The following CFLAR variants were observed in gnomAD, a reference collection of about 807,000 sequenced individuals.
The protein encoded by CFLAR is CASP8 and FADD-like apoptosis regulator.
CFLAR carries 14 observed loss-of-function variants against 51.1 expected under a neutral mutation model. The observed-to-expected ratio is 0.27, with a 90% confidence interval of 0.18 to 0.43. CFLAR has a LOEUF of 0.43. Ranked by LOEUF, CFLAR falls within the 20% of genes least tolerant of loss-of-function variation. The pLI is 1.00. For missense variants in CFLAR, 390 were observed against 566.5 expected (o/e 0.69, Z 3.16); for synonymous variants, 210 against 211.6 (o/e 0.99, Z 0.06).
chr2:201,140,073 C>A, intron 4 of CFLAR: 1 of 128,268 alleles, frequency 7.8e-6, no homozygotes, highest in Non-Finnish European at 1.5e-5. Context: ...GCAGCTGCTG[C>A]GACGCGGAGG....
intron 5 of CFLAR, among the ~76,000 whole-genome samples, chr2:201,142,309 A>T (rs115741782): frequency 0.027 from 4,023 of 151,048 alleles, 89 homozygotes; most frequent in Middle Eastern, 0.082. Context: ...TATATATATA[A>T]ATGCTTTCCT....
intron 2 of CFLAR, among the ~76,000 whole-genome samples, chr2:201,131,998 C>T (rs1228961786): frequency 9.9e-5 from 15 of 152,112 alleles, no homozygotes; most frequent in Non-Finnish European, 2.1e-4. Flanking sequence ...GGATTATTAT[C>T]ATTGTTATTA....
chr2:201,157,237 C>G (rs1942326858), intron 8 of CFLAR, among the ~76,000 whole-genome samples: 1 of 152,198 alleles, frequency 6.6e-6, no homozygotes, highest in South Asian at 2.1e-4. Flanking sequence ...ACTTCCTGGG[C>G]TCGAGTGATC....
chr2:201,147,640 C>G (rs13413075), intron 6 of CFLAR: 36,899 of 151,914 alleles, frequency 0.24, 5,162 homozygotes, highest in African/African-American at 0.38. Flanking sequence ...GAGGCCGAGA[C>G]AGGCGGATCA....
At chr2:201,133,712 C>T (rs1310485583) in intron 3 of CFLAR, among the ~76,000 whole-genome samples, 3 of 151,806 alleles carry the variant, frequency 2.0e-5, no homozygotes, top group Non-Finnish European at 4.4e-5. Context: ...GGGTGGATCA[C>T]GAGGTCAGGA....
intron 9 of CFLAR, chr2:201,163,136 C>G (rs1943227516): frequency 1.3e-6 from 1 of 785,664 alleles, no homozygotes; most frequent in Non-Finnish European, 2.1e-6. Flanking sequence ...CTCCCTGACA[C>G]TGCATGCTCT....
intron 9 of CFLAR, chr2:201,163,509 T>C: frequency 8.8e-7 from 1 of 1,139,074 alleles, no homozygotes; most frequent in Non-Finnish European, 1.1e-6. Flanking sequence ...CAGGAGCCAC[T>C]CAGCCTTCCA....
Position 201,116,944 on chromosome 2 carries a change from T to G in CFLAR, c.-138+463T>G, listed in dbSNP as rs1333699763. 2 of 152,260 alleles carry G rather than the reference T, an allele frequency of 1.3e-5. No individual in the cohort carries two copies. Among genetic ancestry groups the G allele is most frequent in the East Asian group, 3.9e-4 (2 of 5,192 alleles). The allele number at this position is 152,260 out of a possible 1,614,324, so 9.4% of individuals were successfully genotyped here. A position where few individuals can be genotyped will look rare whatever the true frequency, so the allele number is the denominator to read the frequency against. ...AGCCCCAGAGGCCCACCCGCGAGCTTCAGTGGCGGGCCCTCAGCGTCGTGT... is the reference window on the plus strand; with the variant it reads ...AGCCCCAGAGGCCCACCCGCGAGCTGCAGTGGCGGGCCCTCAGCGTCGTGT... On this transcript the variant is annotated intron_variant, in intron 1 of 9. Coordinates refer to ENST00000309955, the MANE Select transcript of CFLAR (RefSeq NM_003879.7). The surrounding 1 kb of genome is among the most constrained non-coding windows in gnomAD (Gnocchi z 4.8).
In CFLAR at chr2:201,156,925, A is replaced by G. The variant is rs1055179271; in HGVS notation, c.794-3507A>G. 6.6e-5 allele frequency among the ~76,000 whole-genome samples: 10 copies of G among 152,266 alleles called. No homozygotes were observed. In the East Asian group the frequency reaches 1.9e-3, roughly 29 times the overall value. ...GCAAGGACAAAACAGTTACTGTCCT[A>G]CCTACATAGGATATGGACTCTGTCT... On this transcript the variant is annotated intron_variant, in intron 8 of 9. Transcript: ENST00000309955.
rs1575980898 is a variant in CFLAR, at chr2:201,164,048, T to C, written c.*75T>C. The C allele has an allele frequency of 6.9e-6, 9 of 1,296,084 alleles. No individual in the cohort carries two copies. Among genetic ancestry groups the C allele is most frequent in the Non-Finnish European group, 9.6e-6 (9 of 938,492 alleles). The allele number at this position is 1,296,084 out of a possible 1,614,324, so 80.3% of individuals were successfully genotyped here. Reference sequence around the variant, plus strand: ...TGGGAGGCCAAGGAGGGCAGATCACTTCAGGTCAGGAGTTCGAGACCAGCC... The same window carrying C: ...TGGGAGGCCAAGGAGGGCAGATCACCTCAGGTCAGGAGTTCGAGACCAGCC... On this transcript the variant is annotated 3_prime_UTR_variant, in exon 10 of 10. Coordinates refer to ENST00000309955, the MANE Select transcript of CFLAR (RefSeq NM_003879.7).
At position 201,140,761 on chromosome 2, in the gene CFLAR, A is replaced by G. The variant is rs555716518; in HGVS notation, c.606+322A>G. The G allele has an allele frequency of 3.6e-4, 32 of 89,864 alleles. 1 individual carries two copies. Among genetic ancestry groups the G allele is most frequent in the South Asian group, 3.2e-3 (13 of 4,110 alleles). 5.6% of individuals were successfully genotyped at this position (89,864 alleles called of 1,614,324 possible). On this transcript the variant is annotated intron_variant, in intron 5 of 9. Coordinates refer to ENST00000309955, the MANE Select transcript of CFLAR (RefSeq NM_003879.7). ...TTTGCATCTGTATCTGTATGTATGT[A>G]TATATATATATATATACATACATAC...
intron 8 of CFLAR, among the ~76,000 whole-genome samples, chr2:201,152,271 C>T (rs1941409915): frequency 6.6e-6 from 1 of 152,162 alleles, no homozygotes; most frequent in Non-Finnish European, 1.5e-5. Context: ...GCTGGGATTA[C>T]AGGCATGAGC....
intron 5 of CFLAR, among the ~76,000 whole-genome samples, chr2:201,142,177 G>A (rs1415265597): frequency 2.0e-5 from 3 of 152,014 alleles, no homozygotes; most frequent in Non-Finnish European, 4.4e-5. Flanking sequence ...GGGAGGCTGA[G>A]GTGGGAGAAA....
At chr2:201,153,383 A>G (rs550373151) in intron 8 of CFLAR, 1 of 152,298 alleles carries the variant, frequency 6.6e-6, no homozygotes, top group South Asian at 2.1e-4. Context: ...TCCTCACACC[A>G]TCTCCCTAGG....
In CFLAR at chr2:201,160,875, C is replaced by A; in HGVS notation, c.1237C>A (p.Leu413Met). ...CCTGTGTACTGCGGACATGTCCCTG[C>A]TGGAGCAGTCTCACAGCTCACCATC... ...WSLCTADMSL[L>M]EQSHSSPSLY... Residue 413 changes from leucine (L) to methionine (M), a missense_variant, in exon 9 of 10, where the codon CTG becomes ATG. By Grantham distance (15) the Leu-to-Met change is conservative (BLOSUM62 2). Around this residue, in one of 2 missense-constraint regions of CFLAR, gnomAD observed 287 missense variants for 363.6 expected, o/e 0.79. Transcript: ENST00000309955. 1.2e-6 allele frequency: 2 copies of A among 1,612,306 alleles called. No homozygotes were observed. The highest frequency in any genetic ancestry group is 1.7e-6 in the Non-Finnish European group (2 of 1,178,460).
chr2:201,138,239 G>T lies in CFLAR; in HGVS notation c.524-2118G>T. On this transcript the variant is annotated intron_variant, in intron 4 of 9. Transcript: ENST00000309955. This position sits in a 1 kb window ranked among gnomAD's most constrained non-coding sequence, Gnocchi z 4.0. ...CTGATACACCGAGTTCCCTTGGGAC[G>T]AGTCCAAGCCTATGACATTGACGCC... The T allele has an allele frequency of 1.1e-6, 1 of 901,758 alleles. No individual in the cohort carries two copies. Among genetic ancestry groups the T allele is most frequent in the Non-Finnish European group, 1.9e-6 (1 of 534,748 alleles). The allele number at this position is 901,758 out of a possible 1,614,324, so 55.9% of individuals were successfully genotyped here. A position where few individuals can be genotyped will look rare whatever the true frequency, so the allele number is the denominator to read the frequency against.
In CFLAR at chr2:201,138,427, G is replaced by T; in HGVS notation, c.524-1930G>T. The T allele has an allele frequency of 1.2e-6, 1 of 807,484 alleles. No homozygotes were observed. The highest frequency in any genetic ancestry group is 2.2e-6 in the Non-Finnish European group (1 of 450,628). 50.0% of individuals were successfully genotyped at this position (807,484 alleles called of 1,614,324 possible). A position where few individuals can be genotyped will look rare whatever the true frequency, so the allele number is the denominator to read the frequency against. ...CCACCAGCTCATCGCGATCATTGAC[G>T]ATAGGCAGCTTCCTTTCTTACTAAG... On this transcript the variant is annotated intron_variant, in intron 4 of 9. Coordinates refer to ENST00000309955, the MANE Select transcript of CFLAR (RefSeq NM_003879.7). The surrounding 1 kb of genome is among the most constrained non-coding windows in gnomAD (Gnocchi z 4.0).
At chr2:201,158,191 T>C (rs1274927968) in intron 8 of CFLAR, among the ~76,000 whole-genome samples, 13 of 152,176 alleles carry the variant, frequency 8.5e-5, no homozygotes, top group Admixed American at 8.5e-4. Flanking sequence ...AACTAGGACT[T>C]AAACCCACAT....
In CFLAR at chr2:201,134,440, G is replaced by C. The variant is rs570429286; in HGVS notation, c.387+1306G>C. On this transcript the variant is annotated intron_variant, in intron 3 of 9. Coordinates refer to ENST00000309955, the MANE Select transcript of CFLAR (RefSeq NM_003879.7). ...ACTTGAGGTCAGGAGTTCAAGACCA[G>C]CCTGGCCAACATGGCAAAACCCCAT... is the stretch of plus-strand genomic sequence containing the variant. 1.9e-3 allele frequency among the ~76,000 whole-genome samples: 286 copies of C among 152,042 alleles called. 3 individuals are homozygous for C. Among genetic ancestry groups the C allele is most frequent in the African/African-American group, 6.5e-3 (270 of 41,494 alleles).
Sources: allele counts gnomAD v4.1 joint callset (sites outside exome capture counted in the v4.1 genomes callset), GRCh38; gene constraint gnomAD v4.1.1; regional missense constraint gnomAD v4.1.1; non-coding constraint Gnocchi (gnomAD v3.1); transcripts MANE v1.5; gene names NCBI Gene and HGNC (gene_info 2026-07-23, HGNC 2026-07-21).